The following SLC30A2 variants were observed in gnomAD, a reference collection of about 807,000 sequenced individuals.
SLC30A2 encodes proton-coupled zinc antiporter SLC30A2.
Under a neutral mutation model 39.6 loss-of-function variants are expected in SLC30A2, and 19 were observed. The observed-to-expected ratio is 0.48, with a 90% confidence interval of 0.34 to 0.70. The LOEUF (loss-of-function observed/expected upper bound fraction) is 0.70. Among genes scored for constraint, SLC30A2 ranks in the 30% least tolerant of loss-of-function variants. The probability of loss-of-function intolerance (pLI) is 0.01; values close to 1 mark genes in which losing one functional copy is unlikely to be tolerated. For missense variants in SLC30A2, 387 were observed against 479.4 expected, an observed-to-expected ratio of 0.81 and a Z score of 1.80; for synonymous variants, 195 against 194.8, an observed-to-expected ratio of 1.00 and a Z score of -0.01.
In SLC30A2 at chr1:26,045,899, A is replaced by G; in HGVS notation, c.-3T>C. ...TGCTGCTTCTCCTTGGCCTCCATGC[A>G]GTCCCGCGCCGAGTCCCGGCAGCCG... On this transcript the variant is annotated 5_prime_UTR_variant, in exon 1 of 8. Coordinates refer to ENST00000374276, the MANE Select transcript of SLC30A2 (RefSeq NM_001004434.3). 4 of 1,611,202 alleles carry G rather than the reference A, an allele frequency of 2.5e-6. No homozygotes were observed. Among genetic ancestry groups the G allele is most frequent in the Non-Finnish European group, 3.4e-6 (4 of 1,179,606 alleles).
rs1488879311 is a variant in SLC30A2 at position 26,044,336 on chromosome 1, G to T, written c.380C>A (p.Pro127Gln). ...GCCAAAGTTCATGGTCTTGGTGGCT[G>T]GCCGGGAGGACATCCAGAGGGAGAA... is the stretch of plus-strand genomic sequence containing the variant. The part of the protein sequence containing the change: ...SLFSLWMSSR[P>Q]ATKTMNFGWQ... Residue 127 changes from proline (P) to glutamine (Q), a missense_variant, in exon 3 of 8, where the codon CCA becomes CAA. Coordinates refer to ENST00000374276, the MANE Select transcript of SLC30A2 (RefSeq NM_001004434.3). The T allele has an allele frequency of 2.5e-6, 4 of 1,613,986 alleles. No individual in the cohort carries two copies. Among genetic ancestry groups the T allele is most frequent in the Non-Finnish European group, 2.5e-6 (3 of 1,180,030 alleles).
Position 26,039,721 on chromosome 1 carries a change from C to G in SLC30A2, c.973+56G>C. The G allele has an allele frequency of 6.3e-7, 1 of 1,582,062 alleles. No homozygotes were observed. Among genetic ancestry groups the G allele is most frequent in the South Asian group, 1.1e-5 (1 of 87,584 alleles). ...GGTCACCTGGACCCGTTGGGGATGG[C>G]ACTAGGCCTTTGGCTGCCTGTCTCC... On this transcript the variant is annotated intron_variant, in intron 7 of 7. Coordinates refer to ENST00000374276, the MANE Select transcript of SLC30A2 (RefSeq NM_001004434.3). The surrounding 1 kb of genome is among the most constrained non-coding windows in gnomAD (Gnocchi z 4.3).
At chr1:26,043,918 G>C (rs921102054) in intron 3 of SLC30A2, among the ~76,000 whole-genome samples, 2 of 152,232 alleles carry the variant, frequency 1.3e-5, no homozygotes, top group African/African-American at 4.8e-5. Flanking sequence ...AGGGTGAACG[G>C]AAGAGAGGTT....
At position 26,039,109 on chromosome 1, in the gene SLC30A2, C is replaced by A; in HGVS notation, c.*51G>T. On this transcript the variant is annotated 3_prime_UTR_variant, in exon 8 of 8. Coordinates refer to ENST00000374276, the MANE Select transcript of SLC30A2 (RefSeq NM_001004434.3). This position sits in a 1 kb window ranked among gnomAD's most constrained non-coding sequence, Gnocchi z 4.3. ...TGGCTGGGCCTGGGGGACACTCAGT[C>A]CAGCCACCTGCAGGTCCTGTTCATG... The A allele has an allele frequency of 6.3e-7, 1 of 1,594,050 alleles. No individual in the cohort carries two copies. Among genetic ancestry groups the A allele is most frequent in the South Asian group, 1.1e-5 (1 of 89,714 alleles).
rs368614329 is a variant in SLC30A2 at position 26,040,492 on chromosome 1, G to T, written c.839-581C>A. The stretch of plus-strand genomic sequence containing the variant: ...TTGAACTCCTGACCTCAGGTAATCT[G>T]CCTGCCTCGGCCTCCCACAGTGCTG... On this transcript the variant is annotated intron_variant, in intron 6 of 7. Coordinates refer to ENST00000374276, the MANE Select transcript of SLC30A2 (RefSeq NM_001004434.3). Among the ~76,000 whole-genome samples the T allele has an allele frequency of 2.6e-5, 4 of 152,176 alleles. No individual in the cohort carries two copies. In the East Asian group the frequency reaches 5.8e-4, roughly 22 times the overall value.
chr1:26,043,355 CG>C, intron 4 of SLC30A2, 42 bp downstream of exon 4: 2 of 1,589,512 alleles, frequency 1.3e-6, no homozygotes, highest in Non-Finnish European at 1.7e-6. Context: ...GTGTGAGAGG[CG>C]GGAGGAGGAG....
At chr1:26,045,478 G>C in intron 1 of SLC30A2, 1 of 592,054 alleles carries the variant, frequency 1.7e-6, no homozygotes, top group South Asian at 2.0e-5. Flanking sequence ...CCAGTGGAGC[G>C]CGGGGAAGGA....
In SLC30A2 at chr1:26,038,484, A is replaced by G. The variant is rs887947554; in HGVS notation, c.*676T>C. ...TTGGAGGCTGTTAGTGCAGAACCCA[A>G]GCTGAAATCTCTCTACCCCCTGCCC... On this transcript the variant is annotated 3_prime_UTR_variant, in exon 8 of 8. Coordinates refer to ENST00000374276, the MANE Select transcript of SLC30A2 (RefSeq NM_001004434.3). The G allele has an allele frequency of 2.6e-5, 4 of 152,370 alleles. No homozygotes were observed. Among genetic ancestry groups the G allele is most frequent in the African/African-American group, 9.6e-5 (4 of 41,582 alleles). 9.4% of individuals were successfully genotyped at this position (152,370 alleles called of 1,614,324 possible). A position where few individuals can be genotyped will look rare whatever the true frequency, so the allele number is the denominator to read the frequency against.
chr1:26,042,341 G>T (rs1252342528), intron 5 of SLC30A2, among the ~76,000 whole-genome samples: 5 of 152,226 alleles, frequency 3.3e-5, no homozygotes, highest in African/African-American at 7.2e-5. Flanking sequence ...CTGAGCTACA[G>T]AAAACACTAC....
rs1406422224 is a variant in SLC30A2, at chr1:26,045,969, T to C, written c.-73A>G. The stretch of plus-strand genomic sequence containing the variant: ...GCGCCCTGAAAGTTGCGCGCGGGAC[T>C]CCGGGTGGCGCTCACCCACCTGCCC... On this transcript the variant is annotated 5_prime_UTR_variant, in exon 1 of 8. Coordinates refer to ENST00000374276, the MANE Select transcript of SLC30A2 (RefSeq NM_001004434.3). 1.1e-5 allele frequency: 18 copies of C among 1,589,574 alleles called. No homozygotes were observed. Among genetic ancestry groups the C allele is most frequent in the Non-Finnish European group, 1.4e-5 (17 of 1,174,496 alleles).
In SLC30A2 at chr1:26,039,274, C is replaced by T; in HGVS notation, c.1005G>A (p.Lys335=). 6.2e-7 allele frequency: 1 copy of T among 1,614,038 alleles called. No homozygotes were observed. The highest frequency in any genetic ancestry group is 1.7e-5 in the Admixed American group (1 of 60,020). The change falls in exon 8 of 8, where the codon AAG becomes AAA. Residue 335 remains lysine, a synonymous_variant. Transcript: ENST00000374276. The surrounding 1 kb of genome is among the most constrained non-coding windows in gnomAD (Gnocchi z 4.3). ...AQNTDAQAVL[K]TASSRLQGKF... ...TCCCTTGGAGGCGGCTGCTGGCTGTCTTCAGCACAGCCTGGGCGTCTGTAT... is the reference window on the plus strand; with the variant it reads ...TCCCTTGGAGGCGGCTGCTGGCTGTTTTCAGCACAGCCTGGGCGTCTGTAT...
At position 26,045,965 on chromosome 1, in the gene SLC30A2, G is replaced by A; in HGVS notation, c.-69C>T. On this transcript the variant is annotated 5_prime_UTR_variant, in exon 1 of 8. Coordinates refer to ENST00000374276, the MANE Select transcript of SLC30A2 (RefSeq NM_001004434.3). ...GAGTGCGCCCTGAAAGTTGCGCGCG[G>A]GACTCCGGGTGGCGCTCACCCACCT... 1.3e-6 allele frequency: 2 copies of A among 1,593,722 alleles called. No individual in the cohort carries two copies. Among genetic ancestry groups the A allele is most frequent in the Non-Finnish European group, 1.7e-6 (2 of 1,175,958 alleles).
intron 6 of SLC30A2, among the ~76,000 whole-genome samples, chr1:26,040,874 T>C (rs894636374): frequency 1.3e-5 from 2 of 151,170 alleles, no homozygotes; most frequent in African/African-American, 4.9e-5. Flanking sequence ...AGATGATTGC[T>C]TGAGCCCAAA....
Position 26,039,379 on chromosome 1 carries a change from A to G in SLC30A2, c.974-74T>C. ...TGGAACCATCAGGAGCCCAAATCTC[A>G]TACCCCATCCCCAGCAGAACAGGAT... is the stretch of plus-strand genomic sequence containing the variant. On this transcript the variant is annotated intron_variant, in intron 7 of 7. Transcript: ENST00000374276. This position sits in a 1 kb window ranked among gnomAD's most constrained non-coding sequence, Gnocchi z 4.3. 9.0e-7 allele frequency: 1 copy of G among 1,117,100 alleles called. No individual in the cohort carries two copies. The highest frequency in any genetic ancestry group is 1.4e-5 in the South Asian group (1 of 73,776). The allele number at this position is 1,117,100 out of a possible 1,614,324, so 69.2% of individuals were successfully genotyped here. A position where few individuals can be genotyped will look rare whatever the true frequency, so the allele number is the denominator to read the frequency against.
At chr1:26,045,621 C>A (rs1358465554) in intron 1 of SLC30A2, among the ~76,000 whole-genome samples, 4 of 152,230 alleles carry the variant, frequency 2.6e-5, no homozygotes, top group African/African-American at 9.6e-5. Context: ...CGCCAATCCC[C>A]CGGCCCCAGG....
In SLC30A2 at chr1:26,039,653, A is replaced by G. The variant is rs2050375965; in HGVS notation, c.973+124T>C. 1.1e-6 allele frequency: 1 copy of G among 916,792 alleles called. No homozygotes were observed. Among genetic ancestry groups the G allele is most frequent in the Admixed American group, 2.7e-5 (1 of 37,470 alleles). 56.8% of individuals were successfully genotyped at this position (916,792 alleles called of 1,614,324 possible). On this transcript the variant is annotated intron_variant, in intron 7 of 7. Transcript: ENST00000374276. This position sits in a 1 kb window ranked among gnomAD's most constrained non-coding sequence, Gnocchi z 4.3. ...ATGGAATAATGCGTATCAAGTACTCAGCATGAGGCTGGGCTTGATGCATGG... is the reference window on the plus strand; with the variant it reads ...ATGGAATAATGCGTATCAAGTACTCGGCATGAGGCTGGGCTTGATGCATGG...
chr1:26,040,310 G>A lies in SLC30A2; in HGVS notation c.839-399C>T, dbSNP rs558345860. On this transcript the variant is annotated intron_variant, in intron 6 of 7. Transcript: ENST00000374276. ...GTCACCCAGGCTGGAGTGCAGTGGC[G>A]TGATCTTGGCTCACTGCAACCTCTG... is the stretch of plus-strand genomic sequence containing the variant. Among the ~76,000 whole-genome samples, 35 of 152,098 alleles carry A rather than the reference G, an allele frequency of 2.3e-4. No individual in the cohort carries two copies. In the East Asian group the frequency reaches 2.7e-3, roughly 12 times the overall value.
chr1:26,045,825 CG>C (rs1391464759), intron 1 of SLC30A2, 21 bp downstream of exon 1: 3 of 1,613,516 alleles, frequency 1.9e-6, no homozygotes, highest in Non-Finnish European at 2.5e-6. Context: ...AATTCCCGCC[CG>C]TCCCCAGGCT....
chr1:26,040,177 G>T (rs2050380883), intron 6 of SLC30A2, among the ~76,000 whole-genome samples: 1 of 152,218 alleles, frequency 6.6e-6, no homozygotes, highest in South Asian at 2.1e-4. Context: ...GGGCAGGACA[G>T]TCTCCTTTGA....
Sources: gnomAD v4.1 joint callset for allele counts (sites outside exome capture counted in the v4.1 genomes callset) on GRCh38, gnomAD v4.1.1 for gene constraint, Gnocchi (gnomAD v3.1) non-coding constraint, MANE v1.5 for transcripts, NCBI Gene and HGNC (gene_info 2026-07-23, HGNC 2026-07-21) for gene names.